Variants in AUTS2 observed in about 807,000 individuals in gnomAD.
The protein encoded by AUTS2 is activator of transcription and developmental regulator AUTS2, also known as autism susceptibility gene 2 protein.
A neutral mutation model predicts 112.4 loss-of-function variants in AUTS2; 17 were observed. The observed-to-expected ratio is 0.15, with a 90% confidence interval of 0.10 to 0.23. The LOEUF (loss-of-function observed/expected upper bound fraction) is 0.23, where lower values mean the gene tolerates loss of function less well. Ranked by LOEUF, AUTS2 falls within the 10% of genes least tolerant of loss-of-function variation. The pLI is 1.00. For synonymous variants in AUTS2, 751 were observed against 702.7 expected (o/e 1.07, Z -1.09); for missense variants, 1,510 against 1,701.6 (o/e 0.89, Z 1.98).
chr7:69,854,396 T>C (rs1306095594), intron 1 of AUTS2, among the ~76,000 whole-genome samples: 1 of 152,190 alleles, frequency 6.6e-6, no homozygotes, highest in African/African-American at 2.4e-5. Flanking sequence ...CTGTATTCTC[T>C]TGTACTTCAT....
intron 5 of AUTS2, among the ~76,000 whole-genome samples, chr7:70,573,812 G>A (rs1293012568): frequency 6.6e-6 from 1 of 151,742 alleles, no homozygotes; most frequent in Admixed American, 6.6e-5. Context: ...CTAGTTTTAA[G>A]GGGAACTTAG....
intron 4 of AUTS2, among the ~76,000 whole-genome samples, chr7:70,369,911 C>T (rs959789587): frequency 6.6e-6 from 1 of 152,112 alleles, no homozygotes; most frequent in Admixed American, 6.5e-5. Flanking sequence ...GAAGAGACTA[C>T]CAGATATGCA....
chr7:70,140,036 A>G (rs1189891062), intron 4 of AUTS2, among the ~76,000 whole-genome samples: 1 of 152,172 alleles, frequency 6.6e-6, no homozygotes, highest in East Asian at 1.9e-4. Flanking sequence ...TCATTTTTTA[A>G]TTTAATAATC....
In AUTS2 at chr7:70,726,544, TAAAC is replaced by T. The variant is rs1388760035; in HGVS notation, c.742+27926_742+27929del. On this transcript the variant is annotated intron_variant, in intron 6 of 18. Transcript: ENST00000342771. ...TAAAATACTAACAGTAGGAGGAAAA[TAAAC>T]AGAGACCAAAATGCAAACTCAACAA... Among the ~76,000 whole-genome samples, 11 of 152,222 alleles carry T rather than the reference TAAAC, an allele frequency of 7.2e-5. No homozygotes were observed. In the East Asian group the frequency reaches 1.9e-3, roughly 27 times the overall value.
intron 4 of AUTS2, among the ~76,000 whole-genome samples, chr7:70,170,077 G>GTT (rs1376419484): frequency 1.3e-5 from 2 of 148,170 alleles, no homozygotes; most frequent in Non-Finnish European, 3.0e-5. Flanking sequence ...AATAATAGAG[G>GTT]TTTTTTTTTA....
intron 1 of AUTS2, among the ~76,000 whole-genome samples, chr7:69,842,967 C>T (rs1792044705): frequency 6.6e-6 from 1 of 152,020 alleles, no homozygotes. Flanking sequence ...ATGCTGGGGG[C>T]TTGAGTGTAG....
intron 5 of AUTS2, among the ~76,000 whole-genome samples, chr7:70,673,007 G>A (rs944192244): frequency 1.5e-4 from 23 of 152,226 alleles, no homozygotes; most frequent in African/African-American, 5.5e-4. Flanking sequence ...AGCTTAGCTG[G>A]TGACACAGCA....
chr7:69,653,737 G>C (rs1455179403), intron 1 of AUTS2, among the ~76,000 whole-genome samples: 4 of 151,458 alleles, frequency 2.6e-5, no homozygotes, highest in African/African-American at 9.7e-5. Flanking sequence ...ACCTTTGTTA[G>C]GAAGCAGCTG....
intron 4 of AUTS2, among the ~76,000 whole-genome samples, chr7:70,311,258 G>C (rs945153414): frequency 6.6e-6 from 1 of 152,210 alleles, no homozygotes; most frequent in African/African-American, 2.4e-5. Context: ...ATAATACATG[G>C]AAGGTATTGA....
chr7:69,863,978 G>A (rs1793106746), intron 1 of AUTS2, among the ~76,000 whole-genome samples: 1 of 152,206 alleles, frequency 6.6e-6, no homozygotes, highest in African/African-American at 2.4e-5. Context: ...CTCTCTGACA[G>A]ACCTGTGACT....
chr7:69,923,779 TTTTGTATATTCA>T (rs1211355637), intron 2 of AUTS2, among the ~76,000 whole-genome samples: 1 of 152,242 alleles, frequency 6.6e-6, no homozygotes, highest in Non-Finnish European at 1.5e-5. Context: ...ATTCACTGAT[TTTTGTATATTCA>T]CTTGCATTCT....
At chr7:70,596,784 C>T (rs558421154) in intron 5 of AUTS2, 32 of 152,304 alleles carry the variant, frequency 2.1e-4, no homozygotes, top group African/African-American at 7.7e-4. Context: ...GAGAAGAGGA[C>T]CCAACTCCTG....
At chr7:70,252,441 T>G (rs1786651064) in intron 4 of AUTS2, among the ~76,000 whole-genome samples, 1 of 152,158 alleles carries the variant, frequency 6.6e-6, no homozygotes, top group Non-Finnish European at 1.5e-5. Context: ...ATTTTTTGAC[T>G]GGGTTATTTG....
At chr7:69,817,187 A>G (rs531500757) in intron 1 of AUTS2, among the ~76,000 whole-genome samples, 40 of 152,374 alleles carry the variant, frequency 2.6e-4, no homozygotes, top group African/African-American at 9.1e-4. Context: ...TGCAAATATG[A>G]AAATAGAAGA....
At chr7:70,786,888 A>C (rs1222343411) in intron 17 of AUTS2, 1 of 416,220 alleles carries the variant, frequency 2.4e-6, no homozygotes, top group African/African-American at 2.0e-5. Context: ...ACCCTTCTGC[A>C]TGCCTGGAAC....
intron 4 of AUTS2, among the ~76,000 whole-genome samples, chr7:70,380,040 A>T (rs1297012483): frequency 6.6e-6 from 1 of 152,206 alleles, no homozygotes; most frequent in African/African-American, 2.4e-5. Flanking sequence ...ACAAAACATG[A>T]CTGACACTAA....
At chr7:70,046,958 A>G (rs1343189939) in intron 2 of AUTS2, among the ~76,000 whole-genome samples, 2 of 152,216 alleles carry the variant, frequency 1.3e-5, no homozygotes, top group African/African-American at 2.4e-5. Flanking sequence ...TAATAGGGCT[A>G]GATAACCTGA....
At chr7:69,652,224 G>A (rs1024370851) in intron 1 of AUTS2, among the ~76,000 whole-genome samples, 5 of 151,924 alleles carry the variant, frequency 3.3e-5, no homozygotes, top group African/African-American at 1.2e-4. Flanking sequence ...TAACTTTCCG[G>A]GAATAAGTTG....
intron 2 of AUTS2, among the ~76,000 whole-genome samples, chr7:69,951,609 G>A (rs1014969981): frequency 6.6e-6 from 1 of 152,154 alleles, no homozygotes; most frequent in African/African-American, 2.4e-5. Flanking sequence ...GAAACAGCCT[G>A]TGGGATAATG....
Sources: allele counts gnomAD v4.1 joint callset (sites outside exome capture counted in the v4.1 genomes callset), GRCh38; gene constraint gnomAD v4.1.1; transcripts MANE v1.5; gene names NCBI Gene and HGNC (gene_info 2026-07-23, HGNC 2026-07-21).